Variants in VMP1 observed in about 807,000 individuals in gnomAD.
VMP1 encodes vacuole membrane protein 1.
VMP1 carries 11 observed loss-of-function variants against 56.0 expected under a neutral mutation model. The observed-to-expected ratio is 0.20, with a 90% CI of 0.12 to 0.32. The LOEUF is 0.32. Ranked by LOEUF, VMP1 falls within the 10% of genes least tolerant of loss-of-function variation. VMP1 has a pLI of 1.00. For synonymous variants in VMP1, 149 were observed against 165.0 expected, an observed-to-expected ratio of 0.90 and a Z score of 0.74; for missense variants, 296 against 490.3, an observed-to-expected ratio of 0.60 and a Z score of 3.74.
chr17:59,743,022 C>T (rs1202163683), intron 5 of VMP1, among the ~76,000 whole-genome samples: 1 of 152,146 alleles, frequency 6.6e-6, no homozygotes, highest in African/African-American at 2.4e-5. Context: ...TAACACCTTT[C>T]CCCACCACAC....
intron 2 of VMP1, among the ~76,000 whole-genome samples, chr17:59,734,902 C>CTTTTTTTTT (rs35072996): frequency 1.4e-5 from 1 of 72,284 alleles, no homozygotes; most frequent in Non-Finnish European, 2.5e-5. Flanking sequence ...GACTGGTTGC[C>CTTTTTTTTT]TTTTTTTTTT....
At chr17:59,753,075 A>T (rs1414744839) in intron 5 of VMP1, among the ~76,000 whole-genome samples, 1 of 152,126 alleles carries the variant, frequency 6.6e-6, no homozygotes, top group African/African-American at 2.4e-5. Context: ...GTTCAAGACC[A>T]TACCAGCCTG....
At chr17:59,806,952 T>C (rs1284059397) in intron 7 of VMP1, among the ~76,000 whole-genome samples, 1 of 152,068 alleles carries the variant, frequency 6.6e-6, no homozygotes, top group African/African-American at 2.4e-5. Flanking sequence ...TTCTTTGACT[T>C]TCTCATCATC....
At chr17:59,738,516 A>G (rs1433582088) in intron 4 of VMP1, among the ~76,000 whole-genome samples, 2 of 152,212 alleles carry the variant, frequency 1.3e-5, no homozygotes, top group African/African-American at 4.8e-5. Flanking sequence ...TTTATTTTAA[A>G]TATATCTAAA....
intron 7 of VMP1, among the ~76,000 whole-genome samples, chr17:59,787,449 A>G (rs2037044339): frequency 6.6e-6 from 1 of 152,190 alleles, no homozygotes; most frequent in South Asian, 2.1e-4. Context: ...TTCTCAACAT[A>G]CATTCCCAAG....
At chr17:59,776,783 A>G (rs997931231) in intron 7 of VMP1, among the ~76,000 whole-genome samples, 5 of 152,228 alleles carry the variant, frequency 3.3e-5, no homozygotes, top group African/African-American at 1.2e-4. Context: ...TTTTATCTAT[A>G]TGAAATCAGC....
At chr17:59,746,197 A>T (rs148544727) in intron 5 of VMP1, among the ~76,000 whole-genome samples, 5 of 152,132 alleles carry the variant, frequency 3.3e-5, no homozygotes, top group Admixed American at 1.3e-4. Flanking sequence ...TTGAGATAGC[A>T]TCTCTCTCTG....
At chr17:59,759,193 G>C (rs548573209) in intron 5 of VMP1, among the ~76,000 whole-genome samples, 2 of 152,300 alleles carry the variant, frequency 1.3e-5, no homozygotes, top group East Asian at 3.9e-4. Flanking sequence ...GACCAACATG[G>C]TGAAACCACA....
chr17:59,807,662 G>C (rs946498451), intron 7 of VMP1, among the ~76,000 whole-genome samples: 1 of 151,680 alleles, frequency 6.6e-6, no homozygotes, highest in African/African-American at 2.4e-5. Context: ...GTGAAACCTC[G>C]TCTCTACTAA....
chr17:59,781,919 A>C (rs2036837027), intron 7 of VMP1, among the ~76,000 whole-genome samples: 4 of 151,692 alleles, frequency 2.6e-5, no homozygotes, highest in Admixed American at 2.6e-4. Flanking sequence ...GTTACATGTT[A>C]CTTTTTTTAG....
At chr17:59,830,208 G>A (rs775961363) in intron 10 of VMP1, among the ~76,000 whole-genome samples, 5 of 151,910 alleles carry the variant, frequency 3.3e-5, no homozygotes, top group Middle Eastern at 6.8e-3. Context: ...ACCTCCTGTC[G>A]CATGCCAGCA....
intron 10 of VMP1, chr17:59,837,711 C>T (rs1320362195): frequency 6.6e-6 from 1 of 152,172 alleles, no homozygotes; most frequent in African/African-American, 2.4e-5. Context: ...TTTGCTAATG[C>T]ATTCTTTTTG....
chr17:59,790,276 A>C (rs1415590056), intron 7 of VMP1, among the ~76,000 whole-genome samples: 1 of 152,182 alleles, frequency 6.6e-6, no homozygotes, highest in Non-Finnish European at 1.5e-5. Flanking sequence ...CTATGAAGAG[A>C]TCTAAAGAAA....
At chr17:59,811,309 T>C (rs1373862677) in intron 8 of VMP1, among the ~76,000 whole-genome samples, 1 of 152,212 alleles carries the variant, frequency 6.6e-6, no homozygotes, top group Non-Finnish European at 1.5e-5. Context: ...AGCCACCAAA[T>C]ATCCAGGAAT....
At chr17:59,731,625 T>C (rs1338730752) in intron 2 of VMP1, 103 bp downstream of exon 2, 11 of 796,422 alleles carry the variant, frequency 1.4e-5, no homozygotes, top group African/African-American at 1.8e-5. Context: ...TTTAATCTTA[T>C]ATTATCTTCT....
At chr17:59,776,281 A>G (rs1168090397) in intron 7 of VMP1, among the ~76,000 whole-genome samples, 1 of 152,202 alleles carries the variant, frequency 6.6e-6, no homozygotes, top group Non-Finnish European at 1.5e-5. Context: ...TAAATACAAA[A>G]CTTTCAAATA....
chr17:59,734,037 C>T (rs1461941129), intron 2 of VMP1, among the ~76,000 whole-genome samples: 1 of 152,152 alleles, frequency 6.6e-6, no homozygotes. Flanking sequence ...ATAGAATGCC[C>T]TTCATAGAAG....
At chr17:59,817,084 C>CA (rs1304819428) in intron 9 of VMP1, among the ~76,000 whole-genome samples, 3 of 150,740 alleles carry the variant, frequency 2.0e-5, no homozygotes, top group Non-Finnish European at 4.4e-5. Flanking sequence ...GCCTGACCAA[C>CA]ATGGAGAAAC....
rs760952389 is a variant in VMP1 at position 59,738,969 on chromosome 17, T to C, written c.414+22T>C. On this transcript the variant is annotated intron_variant, in intron 5 of 11. Transcript: ENST00000262291. ...TCTGGTAAGAATAATTTTATTTTAA[T>C]AAGCAAAAATGATATTTCCTATCTT... The C allele has an allele frequency of 5.2e-5, 80 of 1,524,438 alleles. No individual in the cohort carries two copies. In the East Asian group the frequency reaches 1.7e-3, roughly 32 times the overall value. The allele number at this position is 1,524,438 out of a possible 1,614,324, so 94.4% of individuals were successfully genotyped here.
Sources: gnomAD v4.1 joint callset for allele counts (sites outside exome capture counted in the v4.1 genomes callset) on GRCh38, gnomAD v4.1.1 for gene constraint, MANE v1.5 for transcripts, NCBI Gene and HGNC (gene_info 2026-07-23, HGNC 2026-07-21) for gene names.